DOK5: variants seen among roughly 807,000 people sequenced by gnomAD.
The protein encoded by DOK5 is downstream of tyrosine kinase 5.
In DOK5, 27 loss-of-function variants were observed where a neutral mutation model predicts 43.3. The observed-to-expected ratio is 0.62, with a 90% CI of 0.46 to 0.86. DOK5 has a LOEUF of 0.86. Ranked by LOEUF, DOK5 falls within the 40% of genes least tolerant of loss-of-function variation. The pLI is 0.00. For synonymous variants in DOK5, 146 were observed against 140.1 expected (o/e 1.04, Z -0.30); for missense variants, 373 against 392.9 (o/e 0.95, Z 0.43).
chr20:54,588,805 T>C lies in DOK5; in HGVS notation c.408T>C (p.Ser136=), dbSNP rs1469688651. 2 of 1,613,128 alleles carry C rather than the reference T, an allele frequency of 1.2e-6. No homozygotes were observed. The highest frequency in any genetic ancestry group is 1.7e-6 in the Non-Finnish European group (2 of 1,179,606). Residue 136 remains serine, a splice_region_variant and synonymous_variant, in exon 4 of 8, where the codon AGT becomes AGC. Transcript: ENST00000262593. The part of the protein sequence containing the change: ...LLATGVEREQ[S]ERFNVYLMPS... The stretch of plus-strand genomic sequence containing the variant: ...CCACTGGGGTTGAGAGAGAACAGAG[T>C]GGTATGTAAAGAAAATTCTCTCCTC...
At chr20:54,621,517 C>T (rs1005947271) in intron 6 of DOK5, among the ~76,000 whole-genome samples, 6 of 152,024 alleles carry the variant, frequency 3.9e-5, no homozygotes, top group African/African-American at 1.4e-4. Flanking sequence ...CATGGTGAAA[C>T]CCTGTCTCTA....
chr20:54,581,391 G>GAA, intron 2 of DOK5, among the ~76,000 whole-genome samples: 1 of 140,630 alleles, frequency 7.1e-6, no homozygotes, highest in African/African-American at 2.5e-5. Flanking sequence ...TCCTATTTCT[G>GAA]AAAAAAAAAA....
At chr20:54,534,240 G>A (rs142544987) in intron 1 of DOK5, among the ~76,000 whole-genome samples, 26 of 152,334 alleles carry the variant, frequency 1.7e-4, no homozygotes, top group African/African-American at 4.8e-4. Context: ...AGGCGGGAGT[G>A]CAGTGGTGCA....
chr20:54,542,459 A>AG (rs1984196961), intron 1 of DOK5, among the ~76,000 whole-genome samples: 1 of 152,192 alleles, frequency 6.6e-6, no homozygotes, highest in South Asian at 2.1e-4. Flanking sequence ...TCTGCTTTGG[A>AG]GAAGAGAAAG....
chr20:54,495,012 T>C (rs1186355031), intron 1 of DOK5: 1 of 152,058 alleles, frequency 6.6e-6, no homozygotes, highest in Non-Finnish European at 1.5e-5. Context: ...CTCAATGTTC[T>C]CAAAACTAAA....
intron 5 of DOK5, among the ~76,000 whole-genome samples, chr20:54,604,508 C>T (rs998756952): frequency 8.6e-5 from 13 of 151,952 alleles, no homozygotes; most frequent in African/African-American, 2.9e-4. Context: ...ATATGTAGAT[C>T]TTGTCTCTCC....
chr20:54,536,005 T>C (rs6091916), intron 1 of DOK5, among the ~76,000 whole-genome samples: 3,776 of 152,318 alleles, frequency 0.025, 151 homozygotes, highest in African/African-American at 0.085. Flanking sequence ...ATTTTTTTGC[T>C]CATTTGTTTA....
At chr20:54,528,297 A>T (rs2146703251) in intron 1 of DOK5, among the ~76,000 whole-genome samples, 2 of 152,308 alleles carry the variant, frequency 1.3e-5, no homozygotes, top group South Asian at 4.1e-4. Context: ...TTGGCTGCAG[A>T]TACCCTCAAA....
At chr20:54,596,100 G>C (rs550864700) in intron 5 of DOK5, among the ~76,000 whole-genome samples, 1 of 152,290 alleles carries the variant, frequency 6.6e-6, no homozygotes, top group East Asian at 1.9e-4. Flanking sequence ...TATTTTGCTT[G>C]AAACTCAAAT....
rs536670697 is a variant in DOK5, at chr20:54,649,242, C to T, written c.857-1173C>T. On this transcript the variant is annotated intron_variant, in intron 7 of 7. Coordinates refer to ENST00000262593, the MANE Select transcript of DOK5 (RefSeq NM_018431.5). Reference sequence around the variant, plus strand: ...AGGCCACATGGCTGGTGGATGTAGGCGAGACCCCCTCCCTACAAAAAATCC... The same window carrying T: ...AGGCCACATGGCTGGTGGATGTAGGTGAGACCCCCTCCCTACAAAAAATCC... 2.0e-4 allele frequency among the ~76,000 whole-genome samples: 30 copies of T among 151,994 alleles called. No individual in the cohort carries two copies. In the South Asian group the frequency reaches 5.2e-3, roughly 26 times the overall value.
At chr20:54,604,832 C>T (rs576955472) in intron 5 of DOK5, among the ~76,000 whole-genome samples, 2 of 151,902 alleles carry the variant, frequency 1.3e-5, no homozygotes, top group African/African-American at 4.8e-5. Flanking sequence ...GAAACCCCAT[C>T]TCAACTAAAA....
intron 6 of DOK5, among the ~76,000 whole-genome samples, chr20:54,629,710 T>C (rs1978474843): frequency 6.6e-6 from 1 of 152,106 alleles, no homozygotes; most frequent in Non-Finnish European, 1.5e-5. Flanking sequence ...AATATATAAA[T>C]ATATATCAAG....
At chr20:54,571,626 C>G (rs1466400355) in intron 2 of DOK5, among the ~76,000 whole-genome samples, 4 of 151,820 alleles carry the variant, frequency 2.6e-5, no homozygotes, top group Non-Finnish European at 5.9e-5. Flanking sequence ...CCAAGTATCT[C>G]TGGGGAAGGG....
rs117582897 is a variant in DOK5, at chr20:54,539,681, G to A, written c.67-15252G>A. Among the ~76,000 whole-genome samples the A allele has an allele frequency of 7.4e-4, 113 of 152,286 alleles. 1 individual carries two copies. The East Asian group carries it at 0.021, about 29-fold the overall frequency. ...AGAATCAGACGCCATGAGCCACAGAGCTAAGTCATTCCAGGCAACCTTAAG... is the reference window on the plus strand; with the variant it reads ...AGAATCAGACGCCATGAGCCACAGAACTAAGTCATTCCAGGCAACCTTAAG... On this transcript the variant is annotated intron_variant, in intron 1 of 7. Coordinates refer to ENST00000262593, the MANE Select transcript of DOK5 (RefSeq NM_018431.5).
chr20:54,623,112 C>A (rs979888263), intron 6 of DOK5, among the ~76,000 whole-genome samples: 1 of 152,078 alleles, frequency 6.6e-6, no homozygotes, highest in African/African-American at 2.4e-5. Context: ...CCTAAAACAG[C>A]GGTTCTCAAT....
At chr20:54,646,691 C>T (rs1438128409) in intron 7 of DOK5, among the ~76,000 whole-genome samples, 1 of 152,194 alleles carries the variant, frequency 6.6e-6, no homozygotes, top group African/African-American at 2.4e-5. Flanking sequence ...TTTTATTCTT[C>T]TACCTATACT....
intron 6 of DOK5, among the ~76,000 whole-genome samples, chr20:54,613,567 G>T (rs1159814796): frequency 6.6e-6 from 1 of 151,172 alleles, no homozygotes; most frequent in Non-Finnish European, 1.5e-5. Context: ...GTAGAAAATA[G>T]AATTATATTG....
intron 1 of DOK5, among the ~76,000 whole-genome samples, chr20:54,499,636 A>G (rs544831452): frequency 9.2e-5 from 14 of 152,350 alleles, no homozygotes; most frequent in African/African-American, 3.4e-4. Context: ...TGGCCAATTT[A>G]AAAACATCTC....
intron 6 of DOK5, among the ~76,000 whole-genome samples, chr20:54,618,643 G>A (rs1009776737): frequency 1.3e-5 from 2 of 152,070 alleles, no homozygotes; most frequent in African/African-American, 2.4e-5. Flanking sequence ...GCACCTGGCC[G>A]GTCTCAGCAT....
Sources: gnomAD v4.1 joint callset for allele counts (sites outside exome capture counted in the v4.1 genomes callset) on GRCh38, gnomAD v4.1.1 for gene constraint, MANE v1.5 for transcripts, NCBI Gene and HGNC (gene_info 2026-07-23, HGNC 2026-07-21) for gene names.